The following ATAD3B variants were observed in gnomAD, a reference collection of about 807,000 sequenced individuals.
ATAD3B encodes ATPase family AAA domain-containing protein 3B.
A neutral mutation model predicts 70.2 loss-of-function variants in ATAD3B; 59 were observed. The ratio of observed to expected loss-of-function variants is 0.84; its 90% CI spans 0.68 to 1.04. ATAD3B has a LOEUF of 1.04. Among genes scored for constraint, ATAD3B ranks in the 50% least tolerant of loss-of-function variants. ATAD3B has a pLI of 0.00. For missense variants in ATAD3B, 961 were observed against 913.4 expected (o/e 1.05, Z -0.67); for synonymous variants, 423 against 388.6 (o/e 1.09, Z -1.04).
At chr1:1,487,820 C>T (rs746269526) in intron 11 of ATAD3B, 43 bp from the exon 12 acceptor site, 5 of 1,608,684 alleles carry the variant, frequency 3.1e-6, no homozygotes, top group Admixed American at 1.7e-5. Flanking sequence ...TGGGCTGCTC[C>T]TGGCGTCACT....
intron 11 of ATAD3B, among the ~76,000 whole-genome samples, chr1:1,487,091 C>T (rs1458374769): frequency 1.4e-4 from 21 of 151,708 alleles, no homozygotes; most frequent in Admixed American, 3.3e-4. Flanking sequence ...AGTGACCCCG[C>T]GCAGGGCACA....
rs914834956 is a variant in ATAD3B at position 1,497,451 on chromosome 1, C to T, written c.*1634C>T. 6 of 149,348 alleles carry T rather than the reference C, an allele frequency of 4.0e-5. No individual in the cohort carries two copies. The highest frequency in any genetic ancestry group is 1.5e-4 in the African/African-American group (6 of 40,098). 9.3% of individuals were successfully genotyped at this position (149,348 alleles called of 1,614,324 possible). ...TTGCTATAATGCCCAGGCTGGTCTC[C>T]AACTCTTGGCCTCAGGAGATCCTCC... On this transcript the variant is annotated 3_prime_UTR_variant, in exon 16 of 16. Coordinates refer to ENST00000673477, the MANE Select transcript of ATAD3B (RefSeq NM_031921.6).
chr1:1,475,071 T>G lies in ATAD3B; in HGVS notation c.206-2203T>G, dbSNP rs1570186397. Among the ~76,000 whole-genome samples the G allele has an allele frequency of 3.4e-5, 5 of 148,654 alleles. No homozygotes were observed. In the South Asian group the frequency reaches 1.1e-3, roughly 32 times the overall value. ...TGAGCAGCCTCAGGCCGCCTCCCCA[T>G]AGTGCAGACCTGTGCCTCTGAGTTG... On this transcript the variant is annotated intron_variant, in intron 1 of 15. Transcript: ENST00000673477.
chr1:1,498,391 G>C (rs569265220), downstream of ATAD3B, among the ~76,000 whole-genome samples: 3 of 152,074 alleles, frequency 2.0e-5, no homozygotes, highest in Admixed American at 2.0e-4. Context: ...CCTGAGCATG[G>C]GAGGCAGAGG....
the ATAD3B span, among the ~76,000 whole-genome samples, chr1:1,505,017 C>A: frequency 2.0e-5 from 3 of 152,042 alleles, no homozygotes. Flanking sequence ...TGTGCAGAGA[C>A]AAGAGAGTGT....
At chr1:1,485,990 C>T (rs1640190883) in intron 9 of ATAD3B, 120 bp from the exon 10 acceptor site, 8 of 1,589,350 alleles carry the variant, frequency 5.0e-6, no homozygotes, top group Non-Finnish European at 5.1e-6. Flanking sequence ...AGATAGGCTG[C>T]CCACGAGCTG....
At chr1:1,476,489 T>C (rs1454671002) in intron 1 of ATAD3B, among the ~76,000 whole-genome samples, 1 of 151,148 alleles carries the variant, frequency 6.6e-6, no homozygotes, top group African/African-American at 2.4e-5. Flanking sequence ...CCCTGCCTAC[T>C]TTACACGTCT....
chr1:1,485,344 C>T (rs1640148139), intron 8 of ATAD3B, among the ~76,000 whole-genome samples, 173 bp downstream of exon 8: 1 of 152,116 alleles, frequency 6.6e-6, no homozygotes, highest in Non-Finnish European at 1.5e-5. Flanking sequence ...TAGGGGTCTG[C>T]ATCAGTGAGA....
chr1:1,482,464 A>G, intron 6 of ATAD3B, 81 bp from the exon 7 acceptor site: 1 of 1,609,616 alleles, frequency 6.2e-7, no homozygotes, highest in Middle Eastern at 1.7e-4. Context: ...CCGCCATGTC[A>G]GGGCCTCACC....
In ATAD3B at chr1:1,472,153, C is replaced by T. The variant is rs1182415413; in HGVS notation, c.205+64C>T. ...GGGACGGGCCGGGGAAGCGGGAGCC[C>T]TGGCCCTTGCCGCTCCTCGCTGCTG... On this transcript the variant is annotated intron_variant, in intron 1 of 15. Coordinates refer to ENST00000673477, the MANE Select transcript of ATAD3B (RefSeq NM_031921.6). The T allele has an allele frequency of 2.2e-5, 29 of 1,322,336 alleles. 1 individual carries two copies. The highest frequency in any genetic ancestry group is 2.7e-5 in the Non-Finnish European group (28 of 1,030,558). The allele number at this position is 1,322,336 out of a possible 1,614,324, so 81.9% of individuals were successfully genotyped here.
chr1:1,486,095 C>T lies in ATAD3B; in HGVS notation c.964-15C>T, dbSNP rs375745096. On this transcript the variant is annotated splice_polypyrimidine_tract_variant and intron_variant, in intron 9 of 15. Coordinates refer to ENST00000673477, the MANE Select transcript of ATAD3B (RefSeq NM_031921.6). ...GTGCAGAGTGTCTCCCCCAAACCCCCGTCTTCCCCGGCAGCCCAGCCTGGA... is the reference window on the plus strand; with the variant it reads ...GTGCAGAGTGTCTCCCCCAAACCCCTGTCTTCCCCGGCAGCCCAGCCTGGA... The T allele has an allele frequency of 5.0e-6, 8 of 1,612,938 alleles. No individual in the cohort carries two copies. The highest frequency in any genetic ancestry group is 1.6e-4 in the Middle Eastern group (1 of 6,062).
At chr1:1,488,658 C>G (rs940258007) in intron 12 of ATAD3B, among the ~76,000 whole-genome samples, 22 of 151,896 alleles carry the variant, frequency 1.4e-4, no homozygotes, top group African/African-American at 5.3e-4. Context: ...GCTCAGGATG[C>G]TGATGCAGGA....
In ATAD3B at chr1:1,471,902, C is replaced by A. The variant is rs541520391; in HGVS notation, c.18C>A (p.Gly6=). Residue 6 remains glycine, a synonymous_variant, in exon 1 of 16, where the codon GGC becomes GGA. Transcript: ENST00000673477. ...GTGCGAGCATGTCGTGGCTCTTCGG[C>A]GTTAACAAGGGCCCCAAGGGTGAAG... MSWLF[G]VNKGPKGEGA... The A allele has an allele frequency of 5.5e-6, 7 of 1,273,520 alleles. No individual in the cohort carries two copies. In the Admixed American group the frequency reaches 1.8e-4, roughly 32 times the overall value. The allele number at this position is 1,273,520 out of a possible 1,614,324, so 78.9% of individuals were successfully genotyped here. A position where few individuals can be genotyped will look rare whatever the true frequency, so the allele number is the denominator to read the frequency against.
At chr1:1,501,600 A>C (rs1179826215), downstream of ATAD3B, among the ~76,000 whole-genome samples, 2 of 152,030 alleles carry the variant, frequency 1.3e-5, no homozygotes. Flanking sequence ...CATGTTGACC[A>C]GGCTGCTCCT....
intron 4 of ATAD3B, 38 bp downstream of exon 4, chr1:1,479,146 G>C: frequency 2.1e-6 from 2 of 939,386 alleles, no homozygotes; most frequent in Non-Finnish European, 3.1e-6. Context: ...CTGCGTCCCT[G>C]AGAACGTAGG....
At chr1:1,490,479 A>T in intron 14 of ATAD3B, 55 bp downstream of exon 14, 1 of 1,610,880 alleles carries the variant, frequency 6.2e-7, no homozygotes, top group Non-Finnish European at 8.5e-7. Flanking sequence ...GCATGGGTGT[A>T]GGCCAGCTGC....
Position 1,490,555 on chromosome 1 carries a change from T to C in ATAD3B, c.1506-8T>C. 1 of 1,611,162 alleles carries C rather than the reference T, an allele frequency of 6.2e-7. No individual in the cohort carries two copies. Among genetic ancestry groups the C allele is most frequent in the Middle Eastern group, 1.7e-4 (1 of 6,058 alleles). The stretch of plus-strand genomic sequence containing the variant: ...CTTGGCTGCCTCACTTGGGAACTCC[T>C]TCCCCAGGCGCCTGAAGCTGGCCCA... On this transcript the variant is annotated splice_polypyrimidine_tract_variant and splice_region_variant and intron_variant, in intron 14 of 15. Transcript: ENST00000673477.
rs147392527 is a variant in ATAD3B, at chr1:1,489,980, G to C, written c.1338-277G>C. 106 of 1,299,362 alleles carry C rather than the reference G, an allele frequency of 8.2e-5. 1 individual carries two copies. The African/African-American group carries it at 1.5e-3, about 18-fold the overall frequency. 80.5% of individuals were successfully genotyped at this position (1,299,362 alleles called of 1,614,324 possible). ...GGTAGCAGGAGGGAGTGGTGTTCCC[G>C]GCACTGCCTATCAGGCTGGGCGAGG... On this transcript the variant is annotated intron_variant, in intron 13 of 15. Transcript: ENST00000673477.
chr1:1,497,958 G>A (rs911913929), downstream of ATAD3B: 1 of 151,252 alleles, frequency 6.6e-6, no homozygotes, highest in African/African-American at 2.4e-5. Context: ...CTGAGCTCAT[G>A]AGTTTGAGAA....
Sources: allele counts gnomAD v4.1 joint callset (sites outside exome capture counted in the v4.1 genomes callset), GRCh38; gene constraint gnomAD v4.1.1; transcripts MANE v1.5; gene names NCBI Gene and HGNC (gene_info 2026-07-23, HGNC 2026-07-21).